Variants in PTGER3 observed in about 807,000 individuals in gnomAD.
The protein encoded by PTGER3 is prostaglandin E receptor 3, also known as prostaglandin E2 receptor EP3 subtype.
A neutral mutation model predicts 34.7 loss-of-function variants in PTGER3; 22 were observed. That is an observed-to-expected ratio of 0.63 (90% CI 0.45 to 0.91). The LOEUF (loss-of-function observed/expected upper bound fraction) is 0.91. Ranked by LOEUF, PTGER3 falls within the 40% of genes least tolerant of loss-of-function variation. The pLI is 0.00. For synonymous variants in PTGER3, 241 were observed against 230.1 expected (o/e 1.05, Z -0.43); for missense variants, 468 against 519.4 (o/e 0.90, Z 0.96).
At position 70,923,183 on chromosome 1, in the gene PTGER3, C is replaced by T. The variant is rs377490558; in HGVS notation, c.*23+30580G>A. 5.7e-4 allele frequency among the ~76,000 whole-genome samples: 84 copies of T among 147,302 alleles called. 1 individual carries two copies. The highest frequency in any genetic ancestry group is 2.0e-3 in the African/African-American group (81 of 39,804). Reference sequence around the variant, plus strand: ...CTTGGTATAAAAATCATACAAGAAGCATTGCCAAATACAAAATGGTGCTTG... The same window carrying T: ...CTTGGTATAAAAATCATACAAGAAGTATTGCCAAATACAAAATGGTGCTTG... On this transcript the variant is annotated intron_variant, in intron 4 of 4. Transcript: ENST00000370931.
chr1:70,951,852 T>C (rs981309701), downstream of PTGER3, among the ~76,000 whole-genome samples: 25 of 151,848 alleles, frequency 1.6e-4, no homozygotes, highest in African/African-American at 5.6e-4. Flanking sequence ...AATTACTAAA[T>C]AGGACAGGCA....
At chr1:71,000,361 C>T (rs1003036373) in intron 2 of PTGER3, among the ~76,000 whole-genome samples, 2 of 152,200 alleles carry the variant, frequency 1.3e-5, no homozygotes, top group African/African-American at 4.8e-5. Flanking sequence ...AATTTGATAA[C>T]ATACGAAAAG....
rs765806631 is a variant in PTGER3, at chr1:70,974,311, G to C, written c.1155C>G (p.Ser385Arg). Reference protein sequence around the residue: ...PCQCSSTLMWSDHLER With the variant: ...PCQCSSTLMWRDHLER Reference sequence around the variant, plus strand: ...CTAAATCTCACCTTTCCAAATGGTCGCTCCACATCAAGGTTGAGGAACACT... The same window carrying C: ...CTAAATCTCACCTTTCCAAATGGTCCCTCCACATCAAGGTTGAGGAACACT... Residue 385 changes from serine (S) to arginine (R), a missense_variant, in exon 3 of 4, where the codon AGC becomes AGG. Ser to Arg is a moderately radical substitution (Grantham distance 110). This residue lies in a region of PTGER3 where 57 missense variants were observed against 43.8 expected (regional missense o/e 1.30). Coordinates refer to ENST00000306666, the MANE Select transcript of PTGER3 (RefSeq NM_198719.2). 6.3e-7 allele frequency: 1 copy of C among 1,591,084 alleles called. No individual in the cohort carries two copies. The highest frequency in any genetic ancestry group is 1.3e-5 in the African/African-American group (1 of 74,312).
chr1:70,865,959 T>C (rs764208202), intron 4 of PTGER3: 30 of 462,152 alleles, frequency 6.5e-5, no homozygotes, highest in Non-Finnish European at 1.1e-4. Context: ...ACTCATTTCT[T>C]CTTCAAAGTT....
chr1:70,920,629 C>G (rs963884360), intron 4 of PTGER3, among the ~76,000 whole-genome samples: 1 of 152,120 alleles, frequency 6.6e-6, no homozygotes, highest in African/African-American at 2.4e-5. Flanking sequence ...TTAGATATAG[C>G]TACAAAGCTG....
At chr1:70,902,412 G>A (rs1646859662) in intron 4 of PTGER3, among the ~76,000 whole-genome samples, 1 of 152,146 alleles carries the variant, frequency 6.6e-6, no homozygotes, top group Non-Finnish European at 1.5e-5. Flanking sequence ...GCAGTAGGTG[G>A]TATAAAGATG....
chr1:71,035,638 C>A (rs1234307726), intron 1 of PTGER3, among the ~76,000 whole-genome samples: 7 of 152,222 alleles, frequency 4.6e-5, no homozygotes, highest in African/African-American at 1.7e-4. Flanking sequence ...CAGATCAAAT[C>A]ATTCCCCTAC....
chr1:70,852,589 A>G (rs1645704909), exon 5 of PTGER3: 1 of 549,666 alleles, frequency 1.8e-6, no homozygotes, highest in Non-Finnish European at 3.2e-6. Flanking sequence ...GATAATGTAT[A>G]CGCAAATATA....
chr1:70,983,089 G>A lies in PTGER3; in HGVS notation c.1078-8701C>T, dbSNP rs538303589. 3.3e-5 allele frequency among the ~76,000 whole-genome samples: 5 copies of A among 152,112 alleles called. No individual in the cohort carries two copies. In the South Asian group the frequency reaches 1.0e-3, roughly 32 times the overall value. On this transcript the variant is annotated intron_variant, in intron 2 of 3. Transcript: ENST00000306666. ...CCCCAGACTGATTAGAAGCACAGTAGAGAGAGGACAGCCACCTAGAGAAAC... is the reference window on the plus strand; with the variant it reads ...CCCCAGACTGATTAGAAGCACAGTAAAGAGAGGACAGCCACCTAGAGAAAC...
At chr1:71,025,721 T>C (rs1406612809) in intron 1 of PTGER3, among the ~76,000 whole-genome samples, 1 of 152,212 alleles carries the variant, frequency 6.6e-6, no homozygotes, top group Non-Finnish European at 1.5e-5. Flanking sequence ...CAGGAATGTC[T>C]TCAATGCTGC....
chr1:71,040,110 AAG>A (rs1278812043), intron 1 of PTGER3, among the ~76,000 whole-genome samples: 1 of 151,246 alleles, frequency 6.6e-6, no homozygotes, highest in East Asian at 1.9e-4. Flanking sequence ...GAAAGAAAGA[AAG>A]AAAGAAAAAA....
At chr1:71,046,576 T>G in intron 1 of PTGER3, 105 bp downstream of exon 1, 2 of 1,361,400 alleles carry the variant, frequency 1.5e-6, no homozygotes, top group Non-Finnish European at 1.9e-6. Context: ...TTCAGCGCTC[T>G]GCGGTTGCAA....
intron 2 of PTGER3, among the ~76,000 whole-genome samples, chr1:70,958,711 G>A (rs996491631): frequency 7.2e-5 from 11 of 152,080 alleles, no homozygotes; most frequent in African/African-American, 2.7e-4. Flanking sequence ...TTTAGCTTTT[G>A]TTGCCAGGGC....
chr1:71,007,452 C>A, intron 2 of PTGER3: 10 of 985,282 alleles, frequency 1.0e-5, no homozygotes, highest in Non-Finnish European at 1.2e-5. Flanking sequence ...CAGACAAGAC[C>A]CCTGGCCACT....
At chr1:71,011,568 A>G (rs373800203) in intron 2 of PTGER3, 111 of 984,878 alleles carry the variant, frequency 1.1e-4, no homozygotes, top group Non-Finnish European at 1.3e-4. Flanking sequence ...GGGTAGTCAC[A>G]AACTCCATAT....
At chr1:70,862,893 C>A (rs1645958231) in intron 4 of PTGER3, among the ~76,000 whole-genome samples, 1 of 152,050 alleles carries the variant, frequency 6.6e-6, no homozygotes, top group Non-Finnish European at 1.5e-5. Context: ...AGGAGGATGG[C>A]ACAATAGATC....
intron 1 of PTGER3, among the ~76,000 whole-genome samples, chr1:71,040,129 GAGAA>G (rs2100989489): frequency 6.8e-6 from 1 of 147,424 alleles, no homozygotes; most frequent in African/African-American, 2.5e-5. Flanking sequence ...AAAAAAGAAA[GAGAA>G]AGAGAGAAAG....
chr1:70,872,401 C>T (rs1382440377), intron 4 of PTGER3, among the ~76,000 whole-genome samples: 1 of 152,178 alleles, frequency 6.6e-6, no homozygotes, highest in Admixed American at 6.5e-5. Context: ...TGCTTGACTT[C>T]TTACTAGAGT....
At chr1:70,969,815 T>C (rs563088489), downstream of PTGER3, among the ~76,000 whole-genome samples, 9 of 152,286 alleles carry the variant, frequency 5.9e-5, no homozygotes, top group South Asian at 1.9e-3. Context: ...GAGATTCACA[T>C]TAAATAGGTA....
Sources: allele counts gnomAD v4.1 joint callset (sites outside exome capture counted in the v4.1 genomes callset), GRCh38; gene constraint gnomAD v4.1.1; regional missense constraint gnomAD v4.1.1; transcripts MANE v1.5; gene names NCBI Gene and HGNC (gene_info 2026-07-23, HGNC 2026-07-21).